The following NCOA1 variants were observed in gnomAD, a reference collection of about 807,000 sequenced individuals.
NCOA1 encodes the protein nuclear receptor coactivator 1.
Under a neutral mutation model 150.9 loss-of-function variants are expected in NCOA1, and 35 were observed. The observed-to-expected ratio is 0.23, with a 90% CI of 0.18 to 0.31. The LOEUF (loss-of-function observed/expected upper bound fraction) is 0.31, where lower values mean the gene tolerates loss of function less well. Ranked by LOEUF, NCOA1 falls within the 10% of genes least tolerant of loss-of-function variation. The pLI is 1.00. For missense variants in NCOA1, 1,491 were observed against 1,749.3 expected (o/e 0.85, Z 2.63); for synonymous variants, 590 against 630.0 (o/e 0.94, Z 0.95).
chr2:24,747,803 C>G (rs1434636758), intron 19 of NCOA1, among the ~76,000 whole-genome samples: 1 of 143,978 alleles, frequency 6.9e-6, no homozygotes, highest in African/African-American at 2.6e-5. Context: ...CCTCTAGAGT[C>G]ATAAATGAAA....
intron 3 of NCOA1, among the ~76,000 whole-genome samples, chr2:24,639,473 T>C (rs1388394661): frequency 2.0e-5 from 3 of 152,156 alleles, no homozygotes; most frequent in African/African-American, 7.2e-5. Context: ...TTTTTACCTT[T>C]CAAAATAAAA....
At chr2:24,767,544 C>T (rs533109232) in intron 22 of NCOA1, among the ~76,000 whole-genome samples, 1 of 152,194 alleles carries the variant, frequency 6.6e-6, no homozygotes, top group Non-Finnish European at 1.5e-5. Context: ...AAAATTCACA[C>T]TGTTCTCAAG....
At chr2:24,736,561 G>C (rs1476909721) in intron 17 of NCOA1, among the ~76,000 whole-genome samples, 2 of 152,194 alleles carry the variant, frequency 1.3e-5, no homozygotes, top group Non-Finnish European at 2.9e-5. Context: ...CAGAAAAAAA[G>C]AGAGAAACAT....
rs58446937 is a variant in NCOA1, at chr2:24,656,087, CAAAAAAAAAA to C, written c.-17-2562_-17-2553del. Among the ~76,000 whole-genome samples the C allele has an allele frequency of 3.1e-4, 19 of 62,082 alleles. No homozygotes were observed. In the East Asian group the frequency reaches 4.1e-3, roughly 13 times the overall value. 40.7% of individuals were successfully genotyped at this position (62,082 alleles called of 152,430 possible). A position where few individuals can be genotyped will look rare whatever the true frequency, so the allele number is the denominator to read the frequency against. On this transcript the variant is annotated intron_variant, in intron 4 of 22. Transcript: ENST00000348332. Reference sequence around the variant, plus strand: ...TGGGCGACAGAGCGAGACTCCGTCTCAAAAAAAAAAAAAAAAAAAAAGGAAGAAGTAAAAA... The same window carrying C: ...TGGGCGACAGAGCGAGACTCCGTCTCAAAAAAAAAAAGGAAGAAGTAAAAA...
intron 3 of NCOA1, among the ~76,000 whole-genome samples, chr2:24,641,304 A>G (rs1428728812): frequency 6.6e-6 from 1 of 151,176 alleles, no homozygotes; most frequent in Non-Finnish European, 1.5e-5. Context: ...ACAATATTTT[A>G]TATATTTTAA....
At chr2:24,559,082 G>T (rs1396773051) in intron 1 of NCOA1, among the ~76,000 whole-genome samples, 1 of 152,132 alleles carries the variant, frequency 6.6e-6, no homozygotes, top group African/African-American at 2.4e-5. Flanking sequence ...TCAGACTGGG[G>T]TAGTGCAGTT....
chr2:24,514,096 G>A (rs1353324594), intron 1 of NCOA1, among the ~76,000 whole-genome samples: 3 of 151,596 alleles, frequency 2.0e-5, no homozygotes, highest in African/African-American at 7.3e-5. Context: ...AGACCATCCT[G>A]GCTAACACTG....
At chr2:24,738,464 G>A (rs993623847) in intron 17 of NCOA1, among the ~76,000 whole-genome samples, 2 of 152,114 alleles carry the variant, frequency 1.3e-5, no homozygotes, top group Admixed American at 6.6e-5. Context: ...TTTGTTACCA[G>A]ATACTGTTAA....
chr2:24,636,412 T>G (rs1669940484), intron 3 of NCOA1, among the ~76,000 whole-genome samples: 1 of 152,202 alleles, frequency 6.6e-6, no homozygotes, highest in Non-Finnish European at 1.5e-5. Flanking sequence ...ATTGATATTT[T>G]TATATTCACC....
intron 1 of NCOA1, among the ~76,000 whole-genome samples, chr2:24,543,878 T>G (rs1319786120): frequency 6.6e-6 from 1 of 152,180 alleles, no homozygotes; most frequent in Non-Finnish European, 1.5e-5. Flanking sequence ...AAAAGTGATA[T>G]GATCTGGTTT....
chr2:24,493,478 T>C (rs1353160554), intron 1 of NCOA1, among the ~76,000 whole-genome samples: 2 of 152,234 alleles, frequency 1.3e-5, no homozygotes, highest in Non-Finnish European at 2.9e-5. Context: ...ACGTGAATTT[T>C]ACGTAGCTTA....
chr2:24,659,788 T>A (rs1671097977), intron 5 of NCOA1, among the ~76,000 whole-genome samples: 2 of 152,140 alleles, frequency 1.3e-5, no homozygotes. Context: ...GTAGGATGTT[T>A]AGCAGTATCC....
chr2:24,741,440 C>G (rs570260181), intron 18 of NCOA1, among the ~76,000 whole-genome samples: 2 of 152,276 alleles, frequency 1.3e-5, no homozygotes, highest in Admixed American at 1.3e-4. Context: ...TTTCTCTTAA[C>G]AATGTTCATG....
intron 1 of NCOA1, among the ~76,000 whole-genome samples, chr2:24,512,158 A>G (rs1663961980): frequency 6.6e-6 from 1 of 152,234 alleles, no homozygotes; most frequent in African/African-American, 2.4e-5. Context: ...AGCCCTCTGC[A>G]TCTGTGACAG....
At chr2:24,678,700 G>T (rs1012451961) in intron 7 of NCOA1, among the ~76,000 whole-genome samples, 1 of 152,130 alleles carries the variant, frequency 6.6e-6, no homozygotes, top group African/African-American at 2.4e-5. Flanking sequence ...AGAAGTGTCT[G>T]TTCATGCCAT....
chr2:24,741,671 A>G lies in NCOA1; in HGVS notation c.3304-113A>G, dbSNP rs1663607821. On this transcript the variant is annotated intron_variant, in intron 18 of 22. Transcript: ENST00000348332. ...CTGTTTTAGTTTCCCTTGTACAGTG[A>G]TAATTGCTATGTACTTTATTGCCCC... is the stretch of plus-strand genomic sequence containing the variant. 6.9e-6 allele frequency: 8 copies of G among 1,167,538 alleles called. No individual in the cohort carries two copies. In the Middle Eastern group the frequency reaches 6.2e-4, roughly 90 times the overall value. The allele number at this position is 1,167,538 out of a possible 1,614,324, so 72.3% of individuals were successfully genotyped here. A position where few individuals can be genotyped will look rare whatever the true frequency, so the allele number is the denominator to read the frequency against.
chr2:24,620,907 A>G (rs1669119512), intron 3 of NCOA1, among the ~76,000 whole-genome samples: 2 of 152,194 alleles, frequency 1.3e-5, no homozygotes, highest in Non-Finnish European at 2.9e-5. Context: ...AGAATTGCAT[A>G]TGTGTGACAA....
At chr2:24,630,712 T>C (rs1208849180) in intron 3 of NCOA1, among the ~76,000 whole-genome samples, 1 of 152,216 alleles carries the variant, frequency 6.6e-6, no homozygotes, top group African/African-American at 2.4e-5. Context: ...TAAAAAATTA[T>C]GTGAAGAAAT....
intron 2 of NCOA1, among the ~76,000 whole-genome samples, chr2:24,576,813 A>G (rs1184626127): frequency 1.3e-5 from 2 of 152,202 alleles, no homozygotes; most frequent in Admixed American, 1.3e-4. Context: ...TGATGATGAT[A>G]AACAGATGAT....
Sources: allele counts gnomAD v4.1 joint callset (sites outside exome capture counted in the v4.1 genomes callset), GRCh38; gene constraint gnomAD v4.1.1; transcripts MANE v1.5; gene names NCBI Gene and HGNC (gene_info 2026-07-23, HGNC 2026-07-21).